Variants in SEPTIN11 observed in about 807,000 individuals in gnomAD.
The protein encoded by SEPTIN11 is septin-11.
In SEPTIN11, 25 loss-of-function variants were observed where a neutral mutation model predicts 51.4. That is an observed-to-expected ratio of 0.49 (90% confidence interval 0.35 to 0.68). The LOEUF is 0.68. Among genes scored for constraint, SEPTIN11 ranks in the 30% least tolerant of loss-of-function variants. The pLI, the probability that SEPTIN11 is intolerant of heterozygous loss-of-function variation, is 0.00. For missense variants in SEPTIN11, 381 were observed against 520.8 expected (o/e 0.73, Z 2.61); for synonymous variants, 174 against 184.1 (o/e 0.95, Z 0.44).
intron 1 of SEPTIN11, among the ~76,000 whole-genome samples, chr4:76,995,398 A>T (rs1723638599): frequency 6.6e-6 from 1 of 151,718 alleles, no homozygotes; most frequent in Admixed American, 6.6e-5. Context: ...AAATAATAAA[A>T]ATAAAAATAA....
chr4:76,957,071 TCTC>T (rs1721596219), intron 1 of SEPTIN11, among the ~76,000 whole-genome samples: 1 of 151,452 alleles, frequency 6.6e-6, no homozygotes, highest in East Asian at 2.0e-4. Context: ...CAGAGTGAAT[TCTC>T]CTACTCACTG....
chr4:77,036,136 T>C lies in SEPTIN11; in HGVS notation c.*1624T>C. The C allele has an allele frequency of 1.0e-6, 1 of 987,142 alleles. No homozygotes were observed. Among genetic ancestry groups the C allele is most frequent in the Non-Finnish European group, 1.2e-6 (1 of 830,944 alleles). The allele number at this position is 987,142 out of a possible 1,614,324, so 61.1% of individuals were successfully genotyped here. A position where few individuals can be genotyped will look rare whatever the true frequency, so the allele number is the denominator to read the frequency against. ...AAGGAATGGTCTTCCATGAACTGAT[T>C]ATGCTTAATTAAGCAAAGTAAGGAA... On this transcript the variant is annotated 3_prime_UTR_variant, in exon 10 of 10. Transcript: ENST00000264893.
At chr4:77,011,029 C>T (rs527771062) in intron 3 of SEPTIN11, among the ~76,000 whole-genome samples, 5 of 152,240 alleles carry the variant, frequency 3.3e-5, no homozygotes, top group South Asian at 4.1e-4. Context: ...GAGAGGGTTA[C>T]GACATTTACC....
chr4:76,960,583 G>T (rs889348358), intron 1 of SEPTIN11, among the ~76,000 whole-genome samples: 1 of 152,176 alleles, frequency 6.6e-6, no homozygotes, highest in African/African-American at 2.4e-5. Context: ...CAAAGCTGGG[G>T]GTGATGAAGA....
chr4:76,959,011 G>A (rs1721687902), intron 1 of SEPTIN11: 4 of 768,166 alleles, frequency 5.2e-6, no homozygotes, highest in South Asian at 4.0e-5. Flanking sequence ...CTACTTCAAG[G>A]AATACCATGT....
chr4:76,972,767 A>G (rs1288919841), intron 1 of SEPTIN11, among the ~76,000 whole-genome samples: 1 of 152,214 alleles, frequency 6.6e-6, no homozygotes, highest in Non-Finnish European at 1.5e-5. Flanking sequence ...TCTGATTTAT[A>G]GATTAAAATT....
intron 7 of SEPTIN11, among the ~76,000 whole-genome samples, chr4:77,028,330 C>T (rs1372539530): frequency 2.0e-5 from 3 of 152,190 alleles, no homozygotes; most frequent in Admixed American, 1.3e-4. Flanking sequence ...TTCTATACCA[C>T]CTCCACCTCC....
chr4:76,995,949 C>T (rs139320198), intron 1 of SEPTIN11: 6 of 1,534,688 alleles, frequency 3.9e-6, no homozygotes, highest in African/African-American at 2.7e-5. Context: ...GTAGGTAGAG[C>T]ATTGTCATCA....
At chr4:76,983,557 A>G (rs983576657) in intron 1 of SEPTIN11, among the ~76,000 whole-genome samples, 2 of 152,362 alleles carry the variant, frequency 1.3e-5, no homozygotes, top group East Asian at 1.9e-4. Context: ...GTTGTGACCT[A>G]TGAAACTGAC....
rs1298979354 is a variant in SEPTIN11 at position 77,005,813 on chromosome 4, TG to T, written c.338+23del. 1.2e-6 allele frequency: 2 copies of T among 1,608,230 alleles called. No homozygotes were observed. The highest frequency in any genetic ancestry group is 1.1e-5 in the South Asian group (1 of 90,486). The stretch of plus-strand genomic sequence containing the variant: ...AGATGACAGGTACATCTTGGGATTT[TG>T]GGGGGACATGAATGGATGAGGAGAT... On this transcript the variant is annotated intron_variant, in intron 3 of 9. Transcript: ENST00000264893.
At chr4:76,975,475 A>C (rs914424125) in intron 1 of SEPTIN11, among the ~76,000 whole-genome samples, 1 of 152,250 alleles carries the variant, frequency 6.6e-6, no homozygotes, top group Non-Finnish European at 1.5e-5. Context: ...TAACAATAAT[A>C]AACTTATTAC....
chr4:76,988,950 T>C (rs951394746), intron 1 of SEPTIN11, among the ~76,000 whole-genome samples: 30 of 152,246 alleles, frequency 2.0e-4, no homozygotes, highest in Non-Finnish European at 3.7e-4. Context: ...ACTTGAGCCA[T>C]CTTGATCTGG....
At chr4:77,014,649 T>C (rs1312049268) in intron 4 of SEPTIN11, among the ~76,000 whole-genome samples, 1 of 144,214 alleles carries the variant, frequency 6.9e-6, no homozygotes, top group African/African-American at 2.7e-5. Context: ...ATTTTCATTA[T>C]CATCTCTACC....
intron 1 of SEPTIN11, among the ~76,000 whole-genome samples, chr4:76,995,376 A>G (rs1723636177): frequency 6.6e-6 from 1 of 151,912 alleles, no homozygotes; most frequent in Admixed American, 6.6e-5. Flanking sequence ...GTGAGACTCC[A>G]TCTCAAAAAA....
downstream of SEPTIN11, chr4:77,040,085 GTGCCGGTGTTGGGTAGA>G (rs1046493673): frequency 1.3e-5 from 2 of 152,150 alleles, no homozygotes; most frequent in African/African-American, 4.8e-5. Context: ...TGTTTAAAAT[GTGCCGGTGTTGGGTAGA>G]TGACTTTTCT....
Position 77,036,391 on chromosome 4 carries a change from G to T in SEPTIN11, c.*1879G>T. On this transcript the variant is annotated 3_prime_UTR_variant, in exon 10 of 10. Coordinates refer to ENST00000264893, the MANE Select transcript of SEPTIN11 (RefSeq NM_018243.4). Reference sequence around the variant, plus strand: ...CTCATAGGCTGTGCATCAGACAAAAGCTTGAATATTTGTGTTGTATGCTTG... The same window carrying T: ...CTCATAGGCTGTGCATCAGACAAAATCTTGAATATTTGTGTTGTATGCTTG... 2 of 1,087,486 alleles carry T rather than the reference G, an allele frequency of 1.8e-6. No individual in the cohort carries two copies. The highest frequency in any genetic ancestry group is 2.2e-6 in the Non-Finnish European group (2 of 893,090). The allele number at this position is 1,087,486 out of a possible 1,614,324, so 67.4% of individuals were successfully genotyped here. A position where few individuals can be genotyped will look rare whatever the true frequency, so the allele number is the denominator to read the frequency against.
intron 5 of SEPTIN11, among the ~76,000 whole-genome samples, chr4:77,017,834 G>A (rs985066108): frequency 1.3e-5 from 2 of 152,208 alleles, no homozygotes; most frequent in Non-Finnish European, 2.9e-5. Context: ...TCAGAATGCA[G>A]TGATAACTAC....
chr4:76,990,824 C>T (rs1251635205), intron 1 of SEPTIN11, among the ~76,000 whole-genome samples: 3 of 152,234 alleles, frequency 2.0e-5, no homozygotes, highest in Non-Finnish European at 2.9e-5. Context: ...TGGTGCATGA[C>T]TGCAGAAGCA....
At chr4:76,977,101 A>G (rs1261999677) in intron 1 of SEPTIN11, among the ~76,000 whole-genome samples, 1 of 152,224 alleles carries the variant, frequency 6.6e-6, no homozygotes, top group Non-Finnish European at 1.5e-5. Flanking sequence ...GAGAAATTTA[A>G]ACCATAGTAA....
Sources: gnomAD v4.1 joint callset for allele counts (sites outside exome capture counted in the v4.1 genomes callset) on GRCh38, gnomAD v4.1.1 for gene constraint, MANE v1.5 for transcripts, NCBI Gene and HGNC (gene_info 2026-07-23, HGNC 2026-07-21) for gene names.